Variants in CHST11 observed in about 807,000 individuals in gnomAD.
CHST11 encodes carbohydrate sulfotransferase 11.
Under a neutral mutation model 30.4 loss-of-function variants are expected in CHST11, and 9 were observed. That is an observed-to-expected ratio of 0.30 (90% CI 0.18 to 0.52). CHST11 has a LOEUF of 0.52. Ranked by LOEUF, CHST11 falls within the 20% of genes least tolerant of loss-of-function variation. CHST11 has a pLI of 0.97. For missense variants in CHST11, 348 were observed against 460.6 expected (o/e 0.76, Z 2.24); for synonymous variants, 152 against 187.8 (o/e 0.81, Z 1.56).
chr12:104,631,616 ATGG>A (rs1474205886), intron 2 of CHST11, among the ~76,000 whole-genome samples: 1 of 152,158 alleles, frequency 6.6e-6, no homozygotes, highest in Non-Finnish European at 1.5e-5. Flanking sequence ...AGAGCTCCCC[ATGG>A]GATCAGAATT....
intron 2 of CHST11, among the ~76,000 whole-genome samples, chr12:104,602,628 A>G (rs1238137749): frequency 1.3e-5 from 2 of 152,222 alleles, no homozygotes; most frequent in Non-Finnish European, 2.9e-5. Context: ...CCATGGCAAC[A>G]GCCTCAGTGG....
At chr12:104,497,627 CT>C (rs2037812084) in intron 1 of CHST11, among the ~76,000 whole-genome samples, 1 of 152,104 alleles carries the variant, frequency 6.6e-6, no homozygotes, top group East Asian at 1.9e-4. Flanking sequence ...TTGGTGGTTT[CT>C]TCTTAAGTTG....
At chr12:104,723,821 G>T (rs1466647959) in intron 2 of CHST11, among the ~76,000 whole-genome samples, 1 of 152,230 alleles carries the variant, frequency 6.6e-6, no homozygotes, top group East Asian at 1.9e-4. Context: ...GAGAAAAACA[G>T]TTCCTATATA....
intron 2 of CHST11, among the ~76,000 whole-genome samples, chr12:104,754,729 A>G (rs945814619): frequency 4.6e-5 from 7 of 152,288 alleles, no homozygotes; most frequent in Admixed American, 2.6e-4. Context: ...AACTCTTTCC[A>G]GATTTCCACC....
intron 1 of CHST11, among the ~76,000 whole-genome samples, chr12:104,506,544 A>G (rs191748638): frequency 7.6e-4 from 115 of 152,308 alleles, no homozygotes; most frequent in African/African-American, 2.7e-3. Flanking sequence ...TCCCCCTCAG[A>G]TAGTCGATTC....
chr12:104,601,831 C>A, intron 1 of CHST11, 75 bp from the exon 2 acceptor site: 1 of 1,221,050 alleles, frequency 8.2e-7, no homozygotes, highest in Non-Finnish European at 1.2e-6. Context: ...TTCTTCCCTA[C>A]TCTGTGCCTT....
In CHST11 at chr12:104,644,874, G is replaced by A. The variant is rs527342821; in HGVS notation, c.204+42883G>A. Among the ~76,000 whole-genome samples the A allele has an allele frequency of 4.6e-4, 70 of 152,364 alleles. 2 individuals carry two copies. In the South Asian group the frequency reaches 0.014, roughly 30 times the overall value. On this transcript the variant is annotated intron_variant, in intron 2 of 2. Coordinates refer to ENST00000303694, the MANE Select transcript of CHST11 (RefSeq NM_018413.6). ...AGGATTTGCTGTAGAGACCAGCCCT[G>A]TGCTGGAACAGGCCCATGGCTTATC...
At chr12:104,605,293 T>G (rs899999036) in intron 2 of CHST11, among the ~76,000 whole-genome samples, 1 of 151,806 alleles carries the variant, frequency 6.6e-6, no homozygotes, top group Non-Finnish European at 1.5e-5. Flanking sequence ...GTGTACAGAG[T>G]TTTTTATTTT....
intron 1 of CHST11, chr12:104,591,629 T>C (rs11112118): frequency 0.28 from 42,821 of 151,632 alleles, 6,221 homozygotes; most frequent in African/African-American, 0.34. Context: ...AAATTGAACT[T>C]AAAGGAAGAG....
At chr12:104,561,127 A>G (rs1459021647) in intron 1 of CHST11, among the ~76,000 whole-genome samples, 1 of 152,210 alleles carries the variant, frequency 6.6e-6, no homozygotes, top group Non-Finnish European at 1.5e-5. Flanking sequence ...TCAGATGAAG[A>G]AACATGAGTG....
chr12:104,751,756 C>T (rs1040159343), intron 2 of CHST11, among the ~76,000 whole-genome samples: 5 of 152,202 alleles, frequency 3.3e-5, no homozygotes, highest in East Asian at 1.9e-4. Context: ...ACCACCCCTG[C>T]GGGGTAGGTG....
intron 1 of CHST11, among the ~76,000 whole-genome samples, chr12:104,543,172 G>C (rs559965067): frequency 6.6e-6 from 1 of 152,186 alleles, no homozygotes; most frequent in Non-Finnish European, 1.5e-5. Flanking sequence ...GCAAGAGAGA[G>C]GGGGAGGAGG....
intron 2 of CHST11, among the ~76,000 whole-genome samples, chr12:104,748,202 A>T (rs1403707806): frequency 6.6e-6 from 1 of 152,194 alleles, no homozygotes; most frequent in African/African-American, 2.4e-5. Context: ...GCAGATGGCG[A>T]ACCTGGGTTC....
In CHST11 at chr12:104,676,580, A is replaced by C. The variant is rs894049048; in HGVS notation, c.204+74589A>C. ...CAGACATGTGCCACCACGCCTGGCT[A>C]ATTTTTGTATTTTTAGTAGAGATGG... is the stretch of plus-strand genomic sequence containing the variant. On this transcript the variant is annotated intron_variant, in intron 2 of 2. Coordinates refer to ENST00000303694, the MANE Select transcript of CHST11 (RefSeq NM_018413.6). This position sits in a 1 kb window ranked among gnomAD's most constrained non-coding sequence, Gnocchi z 4.4. Among the ~76,000 whole-genome samples, 4 of 152,120 alleles carry C rather than the reference A, an allele frequency of 2.6e-5. No homozygotes were observed. Among genetic ancestry groups the C allele is most frequent in the African/African-American group, 9.7e-5 (4 of 41,418 alleles).
intron 1 of CHST11, among the ~76,000 whole-genome samples, chr12:104,520,959 C>G (rs1466499256): frequency 6.6e-6 from 1 of 152,164 alleles, no homozygotes; most frequent in Middle Eastern, 3.2e-3. Context: ...TATTCTGAAT[C>G]TTAATGGTGG....
chr12:104,508,310 A>G (rs748504741), intron 1 of CHST11, among the ~76,000 whole-genome samples: 1 of 151,966 alleles, frequency 6.6e-6, no homozygotes, highest in Non-Finnish European at 1.5e-5. Flanking sequence ...CAAGTTTCTC[A>G]CCCTCTCTGG....
At chr12:104,558,538 T>TCCCCCCCCCCCCCCCC (rs71441899) in intron 1 of CHST11, among the ~76,000 whole-genome samples, 22 of 117,750 alleles carry the variant, frequency 1.9e-4, no homozygotes, top group Non-Finnish European at 2.4e-4. Flanking sequence ...CAGCAGAAAT[T>TCCCCCCCCCCCCCCCC]CCCCCCCCCG....
chr12:104,544,134 AAAAAAAAG>A (rs2038313813), intron 1 of CHST11, among the ~76,000 whole-genome samples: 2 of 22,402 alleles, frequency 8.9e-5, no homozygotes, highest in African/African-American at 2.3e-4. Flanking sequence ...TTAAAAAAAA[AAAAAAAAG>A]AAAGAAAGAA....
chr12:104,557,950 G>T (rs939158901), intron 1 of CHST11, among the ~76,000 whole-genome samples: 1 of 151,694 alleles, frequency 6.6e-6, no homozygotes, highest in East Asian at 2.0e-4. Context: ...ATGCATTTCA[G>T]GGGTGGGGAC....
Sources: gnomAD v4.1 joint callset for allele counts (sites outside exome capture counted in the v4.1 genomes callset) on GRCh38, gnomAD v4.1.1 for gene constraint, Gnocchi (gnomAD v3.1) non-coding constraint, MANE v1.5 for transcripts, NCBI Gene and HGNC (gene_info 2026-07-23, HGNC 2026-07-21) for gene names.